SEMA6A: variants seen among roughly 807,000 people sequenced by gnomAD.
The protein encoded by SEMA6A is semaphorin-6A.
In SEMA6A, 25 loss-of-function variants were observed where a neutral mutation model predicts 96.8. The ratio of observed to expected loss-of-function variants is 0.26; its 90% CI spans 0.19 to 0.36. The LOEUF (loss-of-function observed/expected upper bound fraction) is 0.36, where lower values mean the gene tolerates loss of function less well. Among genes scored for constraint, SEMA6A ranks in the 10% least tolerant of loss-of-function variants. The pLI, the probability that SEMA6A is intolerant of heterozygous loss-of-function variation, is 1.00. For synonymous variants in SEMA6A, 612 were observed against 518.0 expected (o/e 1.18, Z -2.46); for missense variants, 1,363 against 1,323.1 (o/e 1.03, Z -0.47).
intron 1 of SEMA6A, among the ~76,000 whole-genome samples, chr5:116,559,429 C>T (rs1388750533): frequency 6.6e-6 from 1 of 152,174 alleles, no homozygotes; most frequent in Non-Finnish European, 1.5e-5. Flanking sequence ...CAGTTACAGT[C>T]AGACTGGGAC....
chr5:116,548,752 TAA>T (rs1760285669), intron 1 of SEMA6A, among the ~76,000 whole-genome samples: 2 of 152,232 alleles, frequency 1.3e-5, no homozygotes, highest in African/African-American at 4.8e-5. Context: ...CAATTCACCT[TAA>T]AACAGTATTG....
In SEMA6A at chr5:116,504,949, G is replaced by A. The variant is rs757459469; in HGVS notation, c.-5C>T. ...CAGCAAGGCTTCTGACCTCATAGTAGTTCAGCGGGGAGACTTTATTTCTCT... is the reference window on the plus strand; with the variant it reads ...CAGCAAGGCTTCTGACCTCATAGTAATTCAGCGGGGAGACTTTATTTCTCT... On this transcript the variant is annotated 5_prime_UTR_variant, in exon 2 of 19. Coordinates refer to ENST00000343348, the MANE Select transcript of SEMA6A (RefSeq NM_020796.5). 9.5e-6 allele frequency: 15 copies of A among 1,574,716 alleles called. No homozygotes were observed. In the African/African-American group the frequency reaches 1.8e-4, roughly 18 times the overall value.
intron 18 of SEMA6A, among the ~76,000 whole-genome samples, chr5:116,456,616 T>A (rs574928608): frequency 2.0e-5 from 3 of 152,228 alleles, no homozygotes; most frequent in Non-Finnish European, 4.4e-5. Flanking sequence ...CTATTTGCTC[T>A]GGTAGGAAGA....
At chr5:116,501,630 G>C (rs1757885674) in intron 3 of SEMA6A, among the ~76,000 whole-genome samples, 1 of 152,240 alleles carries the variant, frequency 6.6e-6, no homozygotes, top group Admixed American at 6.5e-5. Context: ...GTTCATGCCT[G>C]TAATCCCAGC....
At chr5:116,450,328 T>C (rs558538576) in intron 18 of SEMA6A, among the ~76,000 whole-genome samples, 6 of 152,196 alleles carry the variant, frequency 3.9e-5, no homozygotes, top group Admixed American at 1.3e-4. Flanking sequence ...TTAGGGGGAC[T>C]GGATATTCCC....
chr5:116,526,717 C>T (rs1021709555), intron 1 of SEMA6A, among the ~76,000 whole-genome samples: 2 of 152,160 alleles, frequency 1.3e-5, no homozygotes, highest in Non-Finnish European at 2.9e-5. Flanking sequence ...TTGCACTAGG[C>T]TTTCTTTTTT....
intron 8 of SEMA6A, 49 bp from the exon 9 acceptor site, chr5:116,488,245 CAG>C (rs1561491228): frequency 1.6e-6 from 2 of 1,256,008 alleles, no homozygotes; most frequent in Middle Eastern, 3.8e-4. Flanking sequence ...ACAGAGTTAA[CAG>C]AATTTCAATC....
rs573800190 is a variant in SEMA6A at position 116,488,229 on chromosome 5, T to C, written c.656-33A>G. The C allele has an allele frequency of 1.0e-4, 139 of 1,389,496 alleles. 2 individuals are homozygous for C. In the South Asian group the frequency reaches 1.2e-3, roughly 12 times the overall value. The allele number at this position is 1,389,496 out of a possible 1,614,324, so 86.1% of individuals were successfully genotyped here. ...CAAACAGGCACTTTAATTGGGAACA[T>C]GTCAAACAGAGTTAACAGAATTTCA... On this transcript the variant is annotated intron_variant, in intron 8 of 18. Coordinates refer to ENST00000343348, the MANE Select transcript of SEMA6A (RefSeq NM_020796.5).
At chr5:116,499,043 C>A (rs1470511805) in intron 3 of SEMA6A, 1 of 152,130 alleles carries the variant, frequency 6.6e-6, no homozygotes, top group Non-Finnish European at 1.5e-5. Context: ...TTCTTGCCAC[C>A]AACCCTCACT....
At chr5:116,472,858 A>C in intron 17 of SEMA6A, 3 of 1,350,222 alleles carry the variant, frequency 2.2e-6, no homozygotes, top group Non-Finnish European at 2.9e-6. Flanking sequence ...ACGAATTTAA[A>C]AAAAAAAAAA....
chr5:116,548,504 G>C (rs1438164880), intron 1 of SEMA6A, among the ~76,000 whole-genome samples: 1 of 152,148 alleles, frequency 6.6e-6, no homozygotes, highest in Non-Finnish European at 1.5e-5. Flanking sequence ...TACTTTCAAG[G>C]CTTTTCTCAA....
chr5:116,555,426 C>T (rs1265417918), intron 1 of SEMA6A, among the ~76,000 whole-genome samples: 1 of 152,182 alleles, frequency 6.6e-6, no homozygotes, highest in Non-Finnish European at 1.5e-5. Flanking sequence ...AGTGTTTAAA[C>T]CCCATGACTC....
chr5:116,489,402 T>C (rs776689619), intron 7 of SEMA6A, among the ~76,000 whole-genome samples: 5 of 152,032 alleles, frequency 3.3e-5, no homozygotes, highest in South Asian at 2.1e-4. Context: ...CAGGGAAAGA[T>C]AGATGCTGAT....
intron 1 of SEMA6A, among the ~76,000 whole-genome samples, chr5:116,527,619 G>A (rs925970214): frequency 6.6e-6 from 1 of 152,148 alleles, no homozygotes; most frequent in African/African-American, 2.4e-5. Context: ...TAATGTGTAC[G>A]TTTAACCTCA....
intron 1 of SEMA6A, among the ~76,000 whole-genome samples, chr5:116,541,863 A>G (rs1759980324): frequency 6.6e-6 from 1 of 152,200 alleles, no homozygotes; most frequent in African/African-American, 2.4e-5. Flanking sequence ...CAAACAAAAA[A>G]TAGCGTGAAC....
intron 10 of SEMA6A, 118 bp from the exon 11 acceptor site, chr5:116,482,693 G>A (rs573711622): frequency 5.3e-5 from 51 of 958,080 alleles, no homozygotes; most frequent in Admixed American, 1.7e-4. Context: ...TCATACCTTG[G>A]ACACTATAAA....
At chr5:116,470,691 T>C (rs993485723) in intron 17 of SEMA6A, among the ~76,000 whole-genome samples, 1 of 152,136 alleles carries the variant, frequency 6.6e-6, no homozygotes, top group Non-Finnish European at 1.5e-5. Context: ...TACAGAGCTT[T>C]TGACAAGCAG....
At chr5:116,568,791 AGCC>A (rs1761103872) in intron 1 of SEMA6A, among the ~76,000 whole-genome samples, 1 of 151,532 alleles carries the variant, frequency 6.6e-6, no homozygotes, top group Non-Finnish European at 1.5e-5. Context: ...ATGATGCATG[AGCC>A]ATACCACCTA....
chr5:116,523,333 A>G (rs924336003), intron 1 of SEMA6A, among the ~76,000 whole-genome samples: 2 of 151,898 alleles, frequency 1.3e-5, no homozygotes, highest in African/African-American at 4.8e-5. Context: ...TTTCTTTTTG[A>G]GACAGGGTCT....
Sources: allele counts gnomAD v4.1 joint callset (sites outside exome capture counted in the v4.1 genomes callset), GRCh38; gene constraint gnomAD v4.1.1; transcripts MANE v1.5; gene names NCBI Gene and HGNC (gene_info 2026-07-23, HGNC 2026-07-21).